PIEZO2: variants seen among roughly 807,000 people sequenced by gnomAD.
PIEZO2 encodes the protein piezo-type mechanosensitive ion channel component 2.
PIEZO2 carries 172 observed loss-of-function variants against 337.3 expected under a neutral mutation model. The ratio of observed to expected loss-of-function variants is 0.51; its 90% CI spans 0.45 to 0.58. The LOEUF (loss-of-function observed/expected upper bound fraction) is 0.58. PIEZO2 is among the 20% of genes least tolerant of loss of function. The pLI, the probability that PIEZO2 is intolerant of heterozygous loss-of-function variation, is 0.00. For synonymous variants in PIEZO2, 1,251 were observed against 1,228.5 expected (o/e 1.02, Z -0.38); for missense variants, 3,028 against 3,391.3 (o/e 0.89, Z 2.66).
intron 2 of PIEZO2, among the ~76,000 whole-genome samples, chr18:10,998,589 T>A (rs1023573592): frequency 6.6e-6 from 1 of 152,074 alleles, no homozygotes; most frequent in Non-Finnish European, 1.5e-5. Flanking sequence ...AAATATCCAC[T>A]CATAACTCAT....
At chr18:11,093,218 C>T (rs557758626) in intron 1 of PIEZO2, among the ~76,000 whole-genome samples, 29 of 152,128 alleles carry the variant, frequency 1.9e-4, no homozygotes, top group African/African-American at 2.9e-4. Flanking sequence ...CTGGGTAAAG[C>T]GGAGCCAGCC....
intron 1 of PIEZO2, among the ~76,000 whole-genome samples, chr18:11,142,147 A>G (rs937963655): frequency 2.6e-5 from 4 of 152,222 alleles, no homozygotes; most frequent in Admixed American, 2.6e-4. Context: ...AATAAAACTT[A>G]TATGTATATG....
At chr18:11,084,032 C>T (rs2038835617) in intron 1 of PIEZO2, among the ~76,000 whole-genome samples, 1 of 151,930 alleles carries the variant, frequency 6.6e-6, no homozygotes, top group South Asian at 2.1e-4. Flanking sequence ...CAAAAATTAG[C>T]CAGGTGTGGT....
At chr18:10,758,284 A>C (rs1182324743) in intron 26 of PIEZO2, 150 bp from the exon 27 acceptor site, 2 of 914,672 alleles carry the variant, frequency 2.2e-6, no homozygotes, top group Admixed American at 2.7e-5. Flanking sequence ...CCTGGAGTCC[A>C]ATGTCGGGGC....
At chr18:11,098,965 T>C (rs1453621174) in intron 1 of PIEZO2, among the ~76,000 whole-genome samples, 4 of 139,958 alleles carry the variant, frequency 2.9e-5, no homozygotes, top group African/African-American at 1.1e-4. Context: ...GCCTGTATAA[T>C]TTAAATTTTT....
intron 3 of PIEZO2, among the ~76,000 whole-genome samples, chr18:10,925,412 G>C (rs1344969755): frequency 6.6e-6 from 1 of 152,098 alleles, no homozygotes; most frequent in Non-Finnish European, 1.5e-5. Flanking sequence ...AATGTTGATT[G>C]ATCCCTCAAA....
At chr18:10,753,929 C>T (rs1156302525) in intron 27 of PIEZO2, among the ~76,000 whole-genome samples, 1 of 152,150 alleles carries the variant, frequency 6.6e-6, no homozygotes. Flanking sequence ...CAGTATCTCC[C>T]TGTAACCCTA....
In PIEZO2 at chr18:10,716,485, C is replaced by T. The variant is rs2036015659; in HGVS notation, c.5090-669G>A. Reference sequence around the variant, plus strand: ...ACACCCAAACCTCAAAACCATGTCACACCTAACAGTCTTCCATGAGGTACA... The same window carrying T: ...ACACCCAAACCTCAAAACCATGTCATACCTAACAGTCTTCCATGAGGTACA... On this transcript the variant is annotated intron_variant, in intron 37 of 55. Transcript: ENST00000674853. This position sits in a 1 kb window ranked among gnomAD's most constrained non-coding sequence, Gnocchi z 4.1. Among the ~76,000 whole-genome samples, 1 of 152,220 alleles carries T rather than the reference C, an allele frequency of 6.6e-6. No individual in the cohort carries two copies. Among genetic ancestry groups the T allele is most frequent in the African/African-American group, 2.4e-5 (1 of 41,444 alleles).
In PIEZO2 at chr18:10,731,184, T is replaced by G. The variant is rs1206482319; in HGVS notation, c.5029+223A>C. ...TTTTTCCTACTTAAAAGATTATATA[T>G]ATATATATATATATATATATATATA... On this transcript the variant is annotated intron_variant, in intron 36 of 55. Transcript: ENST00000674853. Among the ~76,000 whole-genome samples the G allele has an allele frequency of 3.5e-4, 17 of 48,180 alleles. 1 individual carries two copies. The highest frequency in any genetic ancestry group is 9.5e-4 in the African/African-American group (5 of 5,268). 31.6% of individuals were successfully genotyped at this position (48,180 alleles called of 152,430 possible). A position where few individuals can be genotyped will look rare whatever the true frequency, so the allele number is the denominator to read the frequency against.
intron 20 of PIEZO2, among the ~76,000 whole-genome samples, chr18:10,771,044 A>C (rs1217738695): frequency 6.6e-6 from 1 of 152,070 alleles, no homozygotes; most frequent in Non-Finnish European, 1.5e-5. Context: ...CCTTAATCTT[A>C]TTTACTCTTA....
rs943176157 is a variant in PIEZO2 at position 10,821,371 on chromosome 18, C to T, written c.918-14097G>A. ...TTTCTCTTTGATTATAGGAGGATAG[C>T]TGGTCTAGTACACTTCACATATCTT... is the stretch of plus-strand genomic sequence containing the variant. On this transcript the variant is annotated intron_variant, in intron 7 of 55. Transcript: ENST00000674853. This position sits in a 1 kb window ranked among gnomAD's most constrained non-coding sequence, Gnocchi z 4.2. 2.0e-5 allele frequency among the ~76,000 whole-genome samples: 3 copies of T among 152,086 alleles called. No homozygotes were observed. The highest frequency in any genetic ancestry group is 7.2e-5 in the African/African-American group (3 of 41,410).
intron 3 of PIEZO2, among the ~76,000 whole-genome samples, chr18:10,937,854 A>T (rs769093474): frequency 1.3e-5 from 2 of 152,188 alleles, no homozygotes; most frequent in Non-Finnish European, 2.9e-5. Context: ...ACTTTTGGTT[A>T]TCTAGGAAAA....
intron 43 of PIEZO2, 33 bp downstream of exon 43, chr18:10,701,955 CA>C (rs1567964231): frequency 6.8e-7 from 1 of 1,461,138 alleles, no homozygotes; most frequent in Non-Finnish European, 9.0e-7. Flanking sequence ...GGAAGATGAC[CA>C]ACTTGAACTG....
intron 4 of PIEZO2, among the ~76,000 whole-genome samples, chr18:10,885,146 C>T (rs952986684): frequency 6.6e-6 from 1 of 152,096 alleles, no homozygotes; most frequent in African/African-American, 2.4e-5. Context: ...GGAATAAAGC[C>T]GGGCGTGGTG....
chr18:11,026,452 C>A (rs1316125574), intron 2 of PIEZO2, among the ~76,000 whole-genome samples: 1 of 152,168 alleles, frequency 6.6e-6, no homozygotes, highest in East Asian at 1.9e-4. Flanking sequence ...GGCTCCTCAG[C>A]ACCACCTACA....
chr18:10,680,696 T>C (rs1442574613), intron 51 of PIEZO2, among the ~76,000 whole-genome samples: 5 of 152,152 alleles, frequency 3.3e-5, no homozygotes, highest in African/African-American at 7.2e-5. Flanking sequence ...TTATCACCTA[T>C]GGGGGAACGT....
chr18:10,920,043 A>G (rs568801804), intron 3 of PIEZO2, among the ~76,000 whole-genome samples: 1 of 152,328 alleles, frequency 6.6e-6, no homozygotes, highest in African/African-American at 2.4e-5. Context: ...AAAAGATACA[A>G]GTATATTTCA....
In PIEZO2 at chr18:11,078,317, T is replaced by C. The variant is rs1237074494; in HGVS notation, c.65-12095A>G. On this transcript the variant is annotated intron_variant, in intron 1 of 55. Transcript: ENST00000674853. This position sits in a 1 kb window ranked among gnomAD's most constrained non-coding sequence, Gnocchi z 5.3. Reference sequence around the variant, plus strand: ...TTTTGTAGACTTTTACTGTAGACTTTAGAATATTCTATATTATTCTTGGCA... The same window carrying C: ...TTTTGTAGACTTTTACTGTAGACTTCAGAATATTCTATATTATTCTTGGCA... Among the ~76,000 whole-genome samples, 4 of 152,218 alleles carry C rather than the reference T, an allele frequency of 2.6e-5. No individual in the cohort carries two copies. The East Asian group carries it at 7.7e-4, about 29-fold the overall frequency.
intron 7 of PIEZO2, among the ~76,000 whole-genome samples, chr18:10,814,258 C>T (rs59530177): frequency 0.029 from 4,414 of 152,156 alleles, 114 homozygotes; most frequent in African/African-American, 0.066. Context: ...CATGAGCCAC[C>T]GTGCCCCGTC....
Sources: allele counts gnomAD v4.1 joint callset (sites outside exome capture counted in the v4.1 genomes callset), GRCh38; gene constraint gnomAD v4.1.1; non-coding constraint Gnocchi (gnomAD v3.1); transcripts MANE v1.5; gene names NCBI Gene and HGNC (gene_info 2026-07-23, HGNC 2026-07-21).